The following EIF4G3 variants were observed in gnomAD, a reference collection of about 807,000 sequenced individuals.
EIF4G3 encodes eukaryotic translation initiation factor 4 gamma 3, also known as eIF-4-gamma 3.
EIF4G3 carries 34 observed loss-of-function variants against 186.4 expected under a neutral mutation model. The ratio of observed to expected loss-of-function variants is 0.18; its 90% CI spans 0.14 to 0.24. The LOEUF (loss-of-function observed/expected upper bound fraction) is 0.24, where lower values mean the gene tolerates loss of function less well. Among genes scored for constraint, EIF4G3 ranks in the 10% least tolerant of loss-of-function variants. The pLI is 1.00. For missense variants in EIF4G3, 1,536 were observed against 1,948.5 expected, an observed-to-expected ratio of 0.79 and a Z score of 3.99; for synonymous variants, 673 against 679.5, an observed-to-expected ratio of 0.99 and a Z score of 0.15.
intron 2 of EIF4G3, among the ~76,000 whole-genome samples, chr1:21,090,201 A>G (rs1557907980): frequency 6.6e-6 from 1 of 152,202 alleles, no homozygotes; most frequent in Non-Finnish European, 1.5e-5. Flanking sequence ...CTGAATTAAG[A>G]CTCTAAGTAG....
In EIF4G3 at chr1:20,941,712, G is replaced by A; in HGVS notation, c.1442C>T (p.Pro481Leu). 6.2e-7 allele frequency: 1 copy of A among 1,612,162 alleles called. No homozygotes were observed. Among genetic ancestry groups the A allele is most frequent in the African/African-American group, 1.3e-5 (1 of 74,944 alleles). ...PPTPPTPPAS[P>L]PHTPVIVPAA... is the part of the protein sequence containing the mutation. ...AGGAACAATGACTGGAGTGTGAGGA[G>A]GAGAAGCTGGAGGAGTTGGAGGAGT... Residue 481 changes from proline (P) to leucine (L), a missense_variant, in exon 14 of 37, where the codon CCT (proline) becomes CTT (leucine). This residue lies in a region of EIF4G3 where 560 missense variants were observed against 547.8 expected (regional missense o/e 1.02). Coordinates refer to ENST00000602326, the MANE Select transcript of EIF4G3 (RefSeq NM_001391906.1).
At chr1:21,157,145 A>G (rs1038799078) in intron 2 of EIF4G3, among the ~76,000 whole-genome samples, 6 of 152,132 alleles carry the variant, frequency 3.9e-5, no homozygotes, top group African/African-American at 1.4e-4. Context: ...GCTGCTTTCT[A>G]TTTTATCCCA....
rs1557700381 is a variant in EIF4G3 at position 20,807,311 on chromosome 1, T to C, written c.*8A>G. On this transcript the variant is annotated 3_prime_UTR_variant, in exon 37 of 37. Transcript: ENST00000602326. ...GTTTCTTTTGTTTCATTTTGTGTATTTGAAGTTTTAGTTATCCTCAGACTC... is the reference window on the plus strand; with the variant it reads ...GTTTCTTTTGTTTCATTTTGTGTATCTGAAGTTTTAGTTATCCTCAGACTC... The C allele has an allele frequency of 3.2e-6, 5 of 1,557,244 alleles. No homozygotes were observed. Among genetic ancestry groups the C allele is most frequent in the East Asian group, 2.3e-5 (1 of 43,732 alleles).
chr1:20,898,120 T>C (rs1326085693), intron 16 of EIF4G3, among the ~76,000 whole-genome samples: 1 of 152,060 alleles, frequency 6.6e-6, no homozygotes, highest in African/African-American at 2.4e-5. Context: ...CACTGAGTCC[T>C]AGGGTTTTTT....
rs989457818 is a variant in EIF4G3, at chr1:20,849,442, A to C, written c.3861T>G (p.Asp1287Glu). ...TAAAATCATTAATGTGTAGAAATTC[A>C]TCAATGATAGATTTCGACTTCCTCT... The part of the protein sequence containing the change: ...ELERKSKSII[D>E]EFLHINDFKE... The change falls in exon 29 of 37, where the codon GAT (aspartate) becomes GAG (glutamate). Residue 1287 changes from aspartate to glutamate, a missense_variant. This residue lies in a region of EIF4G3 where 395 missense variants were observed against 498.9 expected (regional missense o/e 0.79). Coordinates refer to ENST00000602326, the MANE Select transcript of EIF4G3 (RefSeq NM_001391906.1). 11 of 1,555,792 alleles carry C rather than the reference A, an allele frequency of 7.1e-6. No individual in the cohort carries two copies. The highest frequency in any genetic ancestry group is 9.5e-6 in the Non-Finnish European group (11 of 1,153,900).
intron 2 of EIF4G3, among the ~76,000 whole-genome samples, chr1:21,098,950 A>G (rs2096454987): frequency 6.6e-6 from 1 of 152,156 alleles, no homozygotes; most frequent in African/African-American, 2.4e-5. Flanking sequence ...AATGGGGAAA[A>G]GTTTTAAATG....
At position 20,858,734 on chromosome 1, in the gene EIF4G3, C is replaced by T. The variant is rs190043555; in HGVS notation, c.3245-1237G>A. 5.2e-3 allele frequency among the ~76,000 whole-genome samples: 798 copies of T among 152,270 alleles called. 10 individuals carry two copies. Among genetic ancestry groups the T allele is most frequent in the African/African-American group, 0.018 (752 of 41,546 alleles). On this transcript the variant is annotated intron_variant, in intron 24 of 36. Coordinates refer to ENST00000602326, the MANE Select transcript of EIF4G3 (RefSeq NM_001391906.1). ...AATGAGGGCCGTGTGCGGTGGCTCA[C>T]GCCTGTAATCCCAGCACTTTGGGAG...
At chr1:21,120,176 C>T (rs2096901884) in intron 2 of EIF4G3, among the ~76,000 whole-genome samples, 1 of 150,026 alleles carries the variant, frequency 6.7e-6, no homozygotes, top group Non-Finnish European at 1.5e-5. Context: ...GATGCTGTCA[C>T]TTTTGACAAG....
chr1:21,159,428 G>T (rs1239032682), intron 2 of EIF4G3, among the ~76,000 whole-genome samples: 1 of 148,172 alleles, frequency 6.7e-6, no homozygotes. Flanking sequence ...CAGAGCAAGG[G>T]TTTAAAAAAA....
chr1:21,124,310 G>A (rs2096985655), intron 2 of EIF4G3, among the ~76,000 whole-genome samples: 1 of 151,960 alleles, frequency 6.6e-6, no homozygotes, highest in South Asian at 2.1e-4. Flanking sequence ...AATTCAAGGT[G>A]TAGTACAAAG....
intron 18 of EIF4G3, among the ~76,000 whole-genome samples, chr1:20,890,633 T>C (rs956789333): frequency 3.9e-5 from 6 of 152,148 alleles, no homozygotes; most frequent in Non-Finnish European, 7.3e-5. Context: ...TTTTTGTATT[T>C]TTTGTAGGGA....
At chr1:20,897,938 AAATT>A (rs773748082) in intron 16 of EIF4G3, among the ~76,000 whole-genome samples, 6 of 151,964 alleles carry the variant, frequency 3.9e-5, no homozygotes, top group Non-Finnish European at 2.9e-5. Flanking sequence ...AACATAAAAT[AAATT>A]AATATAAAAA....
intron 14 of EIF4G3, among the ~76,000 whole-genome samples, chr1:20,928,798 C>T (rs2095115470): frequency 6.6e-6 from 1 of 152,086 alleles, no homozygotes; most frequent in African/African-American, 2.4e-5. Context: ...TGTGGTATAA[C>T]CACAGTTGTG....
rs568429481 is a variant in EIF4G3 at position 20,905,728 on chromosome 1, CTGA to C, written c.1664-760_1664-758del. Among the ~76,000 whole-genome samples the C allele has an allele frequency of 1.6e-4, 25 of 152,226 alleles. No homozygotes were observed. The East Asian group carries it at 4.8e-3, about 29-fold the overall frequency. On this transcript the variant is annotated intron_variant, in intron 14 of 36. Coordinates refer to ENST00000602326, the MANE Select transcript of EIF4G3 (RefSeq NM_001391906.1). ...GACATTTTAACCATCAGATAGTAAG[CTGA>C]TGATATTAAACTGCTTCTACAGAGG...
At chr1:20,962,468 T>A (rs1209259457) in intron 12 of EIF4G3, among the ~76,000 whole-genome samples, 1 of 152,182 alleles carries the variant, frequency 6.6e-6, no homozygotes, top group Non-Finnish European at 1.5e-5. Context: ...CTGTCTAAAA[T>A]GGTGGTCAAC....
chr1:20,964,230 A>C (rs1432558845), intron 12 of EIF4G3, among the ~76,000 whole-genome samples: 14 of 152,206 alleles, frequency 9.2e-5, no homozygotes. Context: ...CTCATTTTAC[A>C]GATGAAAAAA....
chr1:21,129,633 C>T (rs1324552936), intron 2 of EIF4G3, among the ~76,000 whole-genome samples: 1 of 152,098 alleles, frequency 6.6e-6, no homozygotes, highest in Non-Finnish European at 1.5e-5. Context: ...TGCTATGAAG[C>T]AGAGGTCCCT....
intron 2 of EIF4G3, among the ~76,000 whole-genome samples, chr1:21,106,479 G>A (rs1460759432): frequency 6.6e-6 from 1 of 152,108 alleles, no homozygotes; most frequent in African/African-American, 2.4e-5. Context: ...TACAGATAGT[G>A]TATCTTGAGT....
chr1:21,052,964 C>G (rs551324675), intron 3 of EIF4G3, among the ~76,000 whole-genome samples: 40 of 151,004 alleles, frequency 2.6e-4, no homozygotes, highest in East Asian at 2.0e-4. Flanking sequence ...GCCTTGGCCC[C>G]GCAAAGTGCC....
Sources: gnomAD v4.1 joint callset for allele counts (sites outside exome capture counted in the v4.1 genomes callset) on GRCh38, gnomAD v4.1.1 for gene constraint, gnomAD v4.1.1 regional missense constraint, MANE v1.5 for transcripts, NCBI Gene and HGNC (gene_info 2026-07-23, HGNC 2026-07-21) for gene names.